UBQLN1: variants seen among roughly 807,000 people sequenced by gnomAD.
The protein encoded by UBQLN1 is ubiquilin-1.
A neutral mutation model predicts 65.4 loss-of-function variants in UBQLN1; 13 were observed. That is an observed-to-expected ratio of 0.20 (90% confidence interval 0.13 to 0.32). UBQLN1 has a LOEUF of 0.32. UBQLN1 is among the 10% of genes least tolerant of loss of function. The probability of loss-of-function intolerance (pLI) is 1.00; values close to 1 mark genes in which losing one functional copy is unlikely to be tolerated. For missense variants in UBQLN1, 561 were observed against 724.0 expected, an observed-to-expected ratio of 0.77 and a Z score of 2.58; for synonymous variants, 267 against 247.8, an observed-to-expected ratio of 1.08 and a Z score of -0.73.
At chr9:83,664,948 G>C (rs892989798) in intron 9 of UBQLN1, 82 bp downstream of exon 9, 2 of 611,886 alleles carry the variant, frequency 3.3e-6, no homozygotes, top group African/African-American at 2.2e-5. Flanking sequence ...AAAAAAAAAG[G>C]CAGGCAGAAT....
chr9:83,664,881 C>A (rs867543929), intron 9 of UBQLN1, 149 bp downstream of exon 9: 1 of 562,390 alleles, frequency 1.8e-6, no homozygotes. Flanking sequence ...ACTGCGCCCC[C>A]ACACTCATAG....
At chr9:83,682,593 T>A (rs1198861356) in intron 3 of UBQLN1, among the ~76,000 whole-genome samples, 1 of 152,154 alleles carries the variant, frequency 6.6e-6, no homozygotes, top group East Asian at 1.9e-4. Flanking sequence ...AGTTACAAAA[T>A]AACTAATGCA....
intron 1 of UBQLN1, 75 bp from the exon 2 acceptor site, chr9:83,686,230 C>T: frequency 1.0e-6 from 1 of 977,948 alleles, no homozygotes; most frequent in Non-Finnish European, 1.4e-6. Context: ...ACAGGTACCT[C>T]ATAGAGGCCC....
chr9:83,664,325 A>G (rs1831608539), intron 9 of UBQLN1, among the ~76,000 whole-genome samples: 1 of 152,018 alleles, frequency 6.6e-6, no homozygotes, highest in East Asian at 1.9e-4. Flanking sequence ...AGGCTGAGGT[A>G]AGAGGATTGC....
In UBQLN1 at chr9:83,707,846, G is replaced by C. The variant is rs1428203587; in HGVS notation, c.-167C>G. On this transcript the variant is annotated 5_prime_UTR_variant, in exon 1 of 11. Transcript: ENST00000376395. Reference sequence around the variant, plus strand: ...CCACCGTAGCGGGTGTGGGGCCCCGGAGCTCGGTGCAGGCTCTGGCGCAGG... The same window carrying C: ...CCACCGTAGCGGGTGTGGGGCCCCGCAGCTCGGTGCAGGCTCTGGCGCAGG... 2.9e-5 allele frequency: 30 copies of C among 1,042,706 alleles called. No individual in the cohort carries two copies. The highest frequency in any genetic ancestry group is 3.8e-5 in the Non-Finnish European group (29 of 763,074). The allele number at this position is 1,042,706 out of a possible 1,614,324, so 64.6% of individuals were successfully genotyped here.
At chr9:83,667,267 G>C (rs1424848969) in intron 7 of UBQLN1, 1 of 153,292 alleles carries the variant, frequency 6.5e-6, no homozygotes, top group Non-Finnish European at 1.4e-5. Flanking sequence ...ATAAATTCTT[G>C]TAGCTTCAAA....
Position 83,683,079 on chromosome 9 carries a change from A to G in UBQLN1, c.333-13T>C. On this transcript the variant is annotated splice_polypyrimidine_tract_variant and intron_variant, in intron 2 of 10. Coordinates refer to ENST00000376395, the MANE Select transcript of UBQLN1 (RefSeq NM_013438.5). ...ATGATCCTGAGGCCTAGGGAAAATA[A>G]TTAATCACAGAGTAAGCAGTAGAGC... is the stretch of plus-strand genomic sequence containing the variant. The G allele has an allele frequency of 6.3e-7, 1 of 1,579,626 alleles. No individual in the cohort carries two copies. The highest frequency in any genetic ancestry group is 8.7e-7 in the Non-Finnish European group (1 of 1,151,428).
intron 1 of UBQLN1, among the ~76,000 whole-genome samples, chr9:83,701,645 G>A (rs965989192): frequency 6.6e-6 from 1 of 152,126 alleles, no homozygotes; most frequent in African/African-American, 2.4e-5. Context: ...CCAGTAAGAT[G>A]GCTATAATCA....
rs551114793 is a variant in UBQLN1, at chr9:83,684,367, G to T, written c.333-1301C>A. ...ACACCACTGTGCTGGGCAATTTTTT[G>T]TATTTTTAGTAGAGACAGCGTTTCA... On this transcript the variant is annotated intron_variant, in intron 2 of 10. Coordinates refer to ENST00000376395, the MANE Select transcript of UBQLN1 (RefSeq NM_013438.5). Among the ~76,000 whole-genome samples the T allele has an allele frequency of 1.1e-3, 167 of 151,692 alleles. 1 individual carries two copies. Among genetic ancestry groups the T allele is most frequent in the African/African-American group, 3.8e-3 (158 of 41,424 alleles).
chr9:83,667,592 G>A (rs1831662320), intron 7 of UBQLN1: 1 of 985,358 alleles, frequency 1.0e-6, no homozygotes, highest in Non-Finnish European at 1.2e-6. Flanking sequence ...CAACAAACCT[G>A]CTTCTTTATT....
chr9:83,698,859 A>G (rs1832264626), intron 1 of UBQLN1, among the ~76,000 whole-genome samples: 1 of 152,016 alleles, frequency 6.6e-6, no homozygotes, highest in East Asian at 1.9e-4. Context: ...GGCTGCAGCA[A>G]GCCATGATTG....
intron 7 of UBQLN1, chr9:83,668,033 A>G (rs1157524681): frequency 1.0e-6 from 1 of 985,320 alleles, no homozygotes. Flanking sequence ...ATGCACATTC[A>G]GTATTAGCCA....
At chr9:83,675,351 A>G (rs1831813965) in intron 6 of UBQLN1, among the ~76,000 whole-genome samples, 1 of 152,190 alleles carries the variant, frequency 6.6e-6, no homozygotes. Context: ...CATGAATTCA[A>G]CCTAAAACTA....
intron 5 of UBQLN1, 60 bp from the exon 6 acceptor site, chr9:83,678,021 A>G (rs998680316): frequency 8.1e-7 from 1 of 1,229,226 alleles, no homozygotes; most frequent in Non-Finnish European, 1.1e-6. Flanking sequence ...TAAGATATGA[A>G]ACTTTTTTTT....
At chr9:83,679,631 G>A (rs1339577344) in intron 4 of UBQLN1, 144 bp downstream of exon 4, 22 of 811,950 alleles carry the variant, frequency 2.7e-5, no homozygotes, top group Admixed American at 6.0e-5. Flanking sequence ...CCAAATTAGC[G>A]CTTTGTTGAG....
chr9:83,685,769 G>T (rs932244075), intron 2 of UBQLN1, among the ~76,000 whole-genome samples: 2 of 152,078 alleles, frequency 1.3e-5, no homozygotes, highest in Non-Finnish European at 2.9e-5. Flanking sequence ...AATAATTTAG[G>T]TATAATAACT....
At chr9:83,682,152 G>C (rs570924454) in intron 3 of UBQLN1, among the ~76,000 whole-genome samples, 1 of 152,024 alleles carries the variant, frequency 6.6e-6, no homozygotes, top group Non-Finnish European at 1.5e-5. Context: ...GGGCGTAGTG[G>C]CACACTCCTA....
intron 1 of UBQLN1, among the ~76,000 whole-genome samples, chr9:83,688,584 C>CG (rs1320398070): frequency 1.3e-5 from 2 of 151,796 alleles, no homozygotes; most frequent in Admixed American, 6.6e-5. Context: ...ATGCATCGGG[C>CG]GGGGTGCAGT....
intron 1 of UBQLN1, among the ~76,000 whole-genome samples, chr9:83,697,982 C>T (rs1832248025): frequency 6.6e-6 from 1 of 152,092 alleles, no homozygotes; most frequent in East Asian, 1.9e-4. Context: ...GTGATCCACC[C>T]GCCTCGGCCT....
Sources: gnomAD v4.1 joint callset for allele counts (sites outside exome capture counted in the v4.1 genomes callset) on GRCh38, gnomAD v4.1.1 for gene constraint, MANE v1.5 for transcripts, NCBI Gene and HGNC (gene_info 2026-07-23, HGNC 2026-07-21) for gene names.